The following CAMTA1 variants were observed in gnomAD, a reference collection of about 807,000 sequenced individuals.
CAMTA1 encodes the protein calmodulin-binding transcription activator 1.
In CAMTA1, 27 loss-of-function variants were observed where a neutral mutation model predicts 170.9. The observed-to-expected ratio is 0.16, with a 90% CI of 0.12 to 0.22. CAMTA1 has a LOEUF of 0.22. Among genes scored for constraint, CAMTA1 ranks in the 10% least tolerant of loss-of-function variants. The pLI, the probability that CAMTA1 is intolerant of heterozygous loss-of-function variation, is 1.00. For missense variants in CAMTA1, 1,619 were observed against 2,217.2 expected (o/e 0.73, Z 5.42); for synonymous variants, 833 against 891.5 (o/e 0.93, Z 1.17).
chr1:7,745,123 C>A, intron 17 of CAMTA1, 101 bp downstream of exon 17: 1 of 1,143,496 alleles, frequency 8.7e-7, no homozygotes, highest in Non-Finnish European at 1.2e-6. Context: ...TCATAGAAGA[C>A]CATACCAAGG....
chr1:6,925,304 A>G (rs1383995612), intron 3 of CAMTA1, among the ~76,000 whole-genome samples: 1 of 152,110 alleles, frequency 6.6e-6, no homozygotes, highest in African/African-American at 2.4e-5. Context: ...CCTGTCTCTC[A>G]TGCCTCCCCT....
At chr1:7,207,450 T>A (rs1480531998) in intron 4 of CAMTA1, among the ~76,000 whole-genome samples, 1 of 152,232 alleles carries the variant, frequency 6.6e-6, no homozygotes, top group Non-Finnish European at 1.5e-5. Context: ...GTTTTCTTCT[T>A]GTTTTAAAAA....
intron 6 of CAMTA1, among the ~76,000 whole-genome samples, chr1:7,598,484 A>G (rs938939830): frequency 1.3e-5 from 2 of 152,182 alleles, no homozygotes; most frequent in African/African-American, 2.4e-5. Context: ...TGGTATTTCT[A>G]GTTCTAGATC....
chr1:7,762,957 A>G (rs1231806085), intron 22 of CAMTA1, among the ~76,000 whole-genome samples: 1 of 152,230 alleles, frequency 6.6e-6, no homozygotes, highest in Non-Finnish European at 1.5e-5. Flanking sequence ...GTCTTTTAGA[A>G]AAAACAATAA....
At chr1:7,586,056 A>T (rs1024865831) in intron 6 of CAMTA1, among the ~76,000 whole-genome samples, 2 of 152,016 alleles carry the variant, frequency 1.3e-5, no homozygotes, top group Non-Finnish European at 2.9e-5. Context: ...CAAACAGACA[A>T]GGTGGTGAGA....
In CAMTA1 at chr1:7,276,291, A is replaced by ATTTTTTTTTTTTTT. The variant is rs1257658481; in HGVS notation, c.438+26666_438+26667insTTTTTTTTTTTTTT. 1.4e-4 allele frequency among the ~76,000 whole-genome samples: 7 copies of ATTTTTTTTTTTTTT among 51,312 alleles called. 1 individual carries two copies. The highest frequency in any genetic ancestry group is 1.8e-4 in the Non-Finnish European group (6 of 33,136). The allele number at this position is 51,312 out of a possible 152,430, so 33.7% of individuals were successfully genotyped here. ...CCTACACCTGATCATATATATATAT[A>ATTTTTTTTTTTTTT]TATATATATATATTTTTTTTTTTTT... On this transcript the variant is annotated intron_variant, in intron 5 of 22. Transcript: ENST00000303635.
chr1:7,110,268 AC>A (rs1202796084), intron 4 of CAMTA1, among the ~76,000 whole-genome samples: 34 of 148,362 alleles, frequency 2.3e-4, no homozygotes, highest in Admixed American at 1.5e-3. Context: ...AATTTTCAGC[AC>A]CCCCCTTCCC....
At chr1:7,198,171 C>G (rs966575630) in intron 4 of CAMTA1, among the ~76,000 whole-genome samples, 2 of 152,002 alleles carry the variant, frequency 1.3e-5, no homozygotes, top group Admixed American at 6.6e-5. Context: ...CCTTGCCTTT[C>G]TCTTGCATAA....
At chr1:6,895,242 C>G (rs1329065431) in intron 3 of CAMTA1, among the ~76,000 whole-genome samples, 1 of 152,218 alleles carries the variant, frequency 6.6e-6, no homozygotes, top group Non-Finnish European at 1.5e-5. Flanking sequence ...GGCTGAGATT[C>G]ACTTAACACA....
At chr1:7,694,622 T>A (rs2096354959) in intron 11 of CAMTA1, 1 of 152,648 alleles carries the variant, frequency 6.6e-6, no homozygotes, top group Non-Finnish European at 1.5e-5. Context: ...CGGTCAAGTG[T>A]CCTCCCAATG....
chr1:7,495,262 A>G (rs1725268), intron 6 of CAMTA1, among the ~76,000 whole-genome samples: 99,892 of 152,058 alleles, frequency 0.66, 34,017 homozygotes, highest in African/African-American at 0.83. Context: ...TTATTTAGCA[A>G]GTTTTCCCAC....
chr1:7,199,215 C>G (rs538810844), intron 4 of CAMTA1, among the ~76,000 whole-genome samples: 33 of 152,342 alleles, frequency 2.2e-4, no homozygotes, highest in African/African-American at 7.5e-4. Context: ...TGGAGCCCGC[C>G]CCCACGCCTC....
rs1255218641 is a variant in CAMTA1, at chr1:6,887,424, G to A, written c.234+62214G>A. On this transcript the variant is annotated intron_variant, in intron 3 of 22. Transcript: ENST00000303635. This position sits in a 1 kb window ranked among gnomAD's most constrained non-coding sequence, Gnocchi z 4.1. ...GACCCAGTTTTGGATTATCATAGGC[G>A]AAGAAGTCAGACATATATGGTTGTA... 6.6e-6 allele frequency among the ~76,000 whole-genome samples: 1 copy of A among 152,178 alleles called. No individual in the cohort carries two copies. The highest frequency in any genetic ancestry group is 1.5e-5 in the Non-Finnish European group (1 of 68,026).
At chr1:7,130,208 G>A (rs963706972) in intron 4 of CAMTA1, among the ~76,000 whole-genome samples, 9 of 152,112 alleles carry the variant, frequency 5.9e-5, no homozygotes, top group African/African-American at 9.7e-5. Context: ...CAAAGTGCTC[G>A]GATTACAGGT....
At chr1:7,469,897 G>T (rs1255034339) in intron 6 of CAMTA1, among the ~76,000 whole-genome samples, 2 of 152,224 alleles carry the variant, frequency 1.3e-5, no homozygotes, top group Non-Finnish European at 2.9e-5. Context: ...CGAGGAGAGG[G>T]GTCCTGCTCT....
At chr1:7,278,397 G>A (rs1205997941) in intron 5 of CAMTA1, among the ~76,000 whole-genome samples, 2 of 152,202 alleles carry the variant, frequency 1.3e-5, no homozygotes, top group African/African-American at 4.8e-5. Context: ...TGTCTTCTCA[G>A]AGTTCTGTAG....
rs1480853364 is a variant in CAMTA1, at chr1:7,510,644, A to C, written c.510+42743A>C. On this transcript the variant is annotated intron_variant, in intron 6 of 22. Coordinates refer to ENST00000303635, the MANE Select transcript of CAMTA1 (RefSeq NM_015215.4). ...TCAGAAATGACGTCAAGAATCTTTC[A>C]AGTGATGAAATTCTTGGGGCGAGAA... Among the ~76,000 whole-genome samples the C allele has an allele frequency of 1.4e-5, 2 of 146,384 alleles. 1 individual carries two copies. Among genetic ancestry groups the C allele is most frequent in the Non-Finnish European group, 3.1e-5 (2 of 65,190 alleles).
At position 7,090,173 on chromosome 1, in the gene CAMTA1, C is replaced by T. The variant is rs549080971; in HGVS notation, c.235-1131C>T. Among the ~76,000 whole-genome samples, 14 of 152,250 alleles carry T rather than the reference C, an allele frequency of 9.2e-5. No homozygotes were observed. The South Asian group carries it at 2.9e-3, about 32-fold the overall frequency. On this transcript the variant is annotated intron_variant, in intron 3 of 22. Transcript: ENST00000303635. ...CCACTCTTGGCCTGTGGTGTTTGGA[C>T]TGCATGGCATCAGGGGCATTTTCTA... is the stretch of plus-strand genomic sequence containing the variant.
At chr1:7,731,102 C>T (rs1558240630) in intron 11 of CAMTA1, among the ~76,000 whole-genome samples, 1 of 152,030 alleles carries the variant, frequency 6.6e-6, no homozygotes, top group Non-Finnish European at 1.5e-5. Flanking sequence ...TGTGCATGCA[C>T]ATGTGTGTGT....
Sources: gnomAD v4.1 joint callset for allele counts (sites outside exome capture counted in the v4.1 genomes callset) on GRCh38, gnomAD v4.1.1 for gene constraint, Gnocchi (gnomAD v3.1) non-coding constraint, MANE v1.5 for transcripts, NCBI Gene and HGNC (gene_info 2026-07-23, HGNC 2026-07-21) for gene names.